CREG2: variants seen among roughly 807,000 people sequenced by gnomAD.
The protein encoded by CREG2 is protein CREG2.
In CREG2, 24 loss-of-function variants were observed where a neutral mutation model predicts 26.2. That is an observed-to-expected ratio of 0.92 (90% CI 0.66 to 1.29). The LOEUF is 1.29. CREG2 is among the 50% of genes most tolerant of loss of function. CREG2 has a pLI of 0.00. For missense variants in CREG2, 366 were observed against 398.6 expected (o/e 0.92, Z 0.70); for synonymous variants, 174 against 169.2 (o/e 1.03, Z -0.22).
At chr2:101,361,121 T>C (rs1684532272) in intron 2 of CREG2, among the ~76,000 whole-genome samples, 1 of 152,228 alleles carries the variant, frequency 6.6e-6, no homozygotes, top group African/African-American at 2.4e-5. Context: ...TACATTTACA[T>C]AGGGAGCATT....
At position 101,364,997 on chromosome 2, in the gene CREG2, C is replaced by G. The variant is rs180733262; in HGVS notation, c.612-9631G>C. Among the ~76,000 whole-genome samples the G allele has an allele frequency of 2.0e-4, 30 of 152,186 alleles. No individual in the cohort carries two copies. In the East Asian group the frequency reaches 3.7e-3, roughly 19 times the overall value. ...TTGCACAAGCAAGAAGCGTAGGAGGCGTGGAATGGAAATTCTGGATGTGGT... is the reference window on the plus strand; with the variant it reads ...TTGCACAAGCAAGAAGCGTAGGAGGGGTGGAATGGAAATTCTGGATGTGGT... On this transcript the variant is annotated intron_variant, in intron 2 of 3. Transcript: ENST00000324768.
At chr2:101,361,196 A>G (rs1234896975) in intron 2 of CREG2, among the ~76,000 whole-genome samples, 1 of 152,228 alleles carries the variant, frequency 6.6e-6, no homozygotes, top group Non-Finnish European at 1.5e-5. Context: ...TAAAAGGCAA[A>G]TAGAAAACTT....
intron 2 of CREG2, among the ~76,000 whole-genome samples, chr2:101,370,166 G>A (rs1317453530): frequency 6.6e-6 from 1 of 152,176 alleles, no homozygotes; most frequent in Non-Finnish European, 1.5e-5. Context: ...GTGCTAACAA[G>A]TGTACCTCTG....
At chr2:101,368,392 T>C (rs549039764) in intron 2 of CREG2, among the ~76,000 whole-genome samples, 1 of 151,224 alleles carries the variant, frequency 6.6e-6, no homozygotes, top group Admixed American at 6.6e-5. Flanking sequence ...CAATGGGAAA[T>C]GAAAACGCTC....
At position 101,350,896 on chromosome 2, in the gene CREG2, A is replaced by T. The variant is rs182407554; in HGVS notation, c.*27T>A. The T allele has an allele frequency of 6.2e-7, 1 of 1,612,042 alleles. No homozygotes were observed. Among genetic ancestry groups the T allele is most frequent in the Non-Finnish European group, 8.5e-7 (1 of 1,179,072 alleles). On this transcript the variant is annotated 3_prime_UTR_variant, in exon 4 of 4. Coordinates refer to ENST00000324768, the MANE Select transcript of CREG2 (RefSeq NM_153836.4). ...CTGAAAAGGTTTTCATTTAAGTGCA[A>T]ACACCAAGGACTTTCTTCTCACTCC...
chr2:101,368,330 A>G (rs1234218166), intron 2 of CREG2, among the ~76,000 whole-genome samples: 1 of 151,806 alleles, frequency 6.6e-6, no homozygotes, highest in Non-Finnish European at 1.5e-5. Context: ...AAAAAAAAGA[A>G]TACGTCTGTG....
Position 101,387,065 on chromosome 2 carries a change from G to C in CREG2, c.393C>G (p.Ala131=), listed in dbSNP as rs1272628739. 8.1e-7 allele frequency: 1 copy of C among 1,234,150 alleles called. No homozygotes were observed. The highest frequency in any genetic ancestry group is 4.1e-5 in the South Asian group (1 of 24,680). 76.4% of individuals were successfully genotyped at this position (1,234,150 alleles called of 1,614,324 possible). The change falls in exon 1 of 4, where the codon GCC becomes GCG. Residue 131 remains alanine, a synonymous_variant. Transcript: ENST00000324768. The surrounding 1 kb of genome is among the most constrained non-coding windows in gnomAD (Gnocchi z 4.7). Reference sequence around the variant, plus strand: ...CCAGGCAGCCCCAGACGCTGGCATGGGCCAGGGAGCGGGCGGTGGCGGCGC... The same window carrying C: ...CCAGGCAGCCCCAGACGCTGGCATGCGCCAGGGAGCGGGCGGTGGCGGCGC... The part of the protein sequence containing the change: ...RLRAATARSL[A]HASVWGCLAT...
rs759112720 is a variant in CREG2, at chr2:101,383,609, C to A, written c.535G>T (p.Asp179Tyr). The A allele has an allele frequency of 6.2e-7, 1 of 1,614,162 alleles. No individual in the cohort carries two copies. Reference protein sequence around the residue: ...GIPFFYMTAKDPVVADLMKNP... With the variant: ...GIPFFYMTAKYPVVADLMKNP... ...TTCATCAGATCAGCCACCACGGGGTCCTTGGCTGTCATGTAGAAGAAAGGA... is the reference window on the plus strand; with the variant it reads ...TTCATCAGATCAGCCACCACGGGGTACTTGGCTGTCATGTAGAAGAAAGGA... Residue 179 changes from aspartate (D) to tyrosine (Y), a missense_variant, in exon 2 of 4, where the codon GAC (aspartate) becomes TAC (tyrosine). Around this residue, in one of 3 missense-constraint regions of CREG2, gnomAD observed 174 missense variants for 178.2 expected, o/e 0.98. Transcript: ENST00000324768.
chr2:101,365,332 T>C (rs4280474), intron 2 of CREG2, among the ~76,000 whole-genome samples: 126,505 of 152,110 alleles, frequency 0.83, 53,133 homozygotes, highest in East Asian at 1. Flanking sequence ...TCCTGTTAAA[T>C]TATGGGATCC....
Position 101,348,961 on chromosome 2 carries a change from G to A in CREG2, c.*1962C>T, listed in dbSNP as rs1440054613. 6.6e-6 allele frequency: 1 copy of A among 152,560 alleles called. No individual in the cohort carries two copies. The highest frequency in any genetic ancestry group is 1.9e-4 in the East Asian group (1 of 5,200). 9.5% of individuals were successfully genotyped at this position (152,560 alleles called of 1,614,324 possible). A position where few individuals can be genotyped will look rare whatever the true frequency, so the allele number is the denominator to read the frequency against. On this transcript the variant is annotated 3_prime_UTR_variant, in exon 4 of 4. Coordinates refer to ENST00000324768, the MANE Select transcript of CREG2 (RefSeq NM_153836.4). ...TTTCAGGTTTCATTTCCTGTAATTTGGATAAATAGCTGATAACATTCATCA... is the reference window on the plus strand; with the variant it reads ...TTTCAGGTTTCATTTCCTGTAATTTAGATAAATAGCTGATAACATTCATCA...
intron 2 of CREG2, among the ~76,000 whole-genome samples, chr2:101,379,502 T>A (rs2104484438): frequency 6.6e-6 from 1 of 152,316 alleles, no homozygotes; most frequent in East Asian, 1.9e-4. Context: ...TTCACCTATT[T>A]CAACTTGGAT....
At position 101,370,443 on chromosome 2, in the gene CREG2, T is replaced by C. The variant is rs72988792; in HGVS notation, c.611+13090A>G. On this transcript the variant is annotated intron_variant, in intron 2 of 3. Transcript: ENST00000324768. Reference sequence around the variant, plus strand: ...TCCCCACAGTGGACCTAGGGTACTATTATTCCCATTTTAGGGTGAAGGAGA... The same window carrying C: ...TCCCCACAGTGGACCTAGGGTACTACTATTCCCATTTTAGGGTGAAGGAGA... Among the ~76,000 whole-genome samples, 573 of 152,280 alleles carry C rather than the reference T, an allele frequency of 3.8e-3. 4 individuals carry two copies. Among genetic ancestry groups the C allele is most frequent in the African/African-American group, 0.012 (495 of 41,564 alleles).
At chr2:101,364,301 G>A (rs1313641733) in intron 2 of CREG2, among the ~76,000 whole-genome samples, 1 of 152,186 alleles carries the variant, frequency 6.6e-6, no homozygotes, top group African/African-American at 2.4e-5. Flanking sequence ...GTGGAGGGCT[G>A]TCCTTCGCAT....
At chr2:101,354,637 C>T (rs757599241) in intron 3 of CREG2, among the ~76,000 whole-genome samples, 4 of 152,146 alleles carry the variant, frequency 2.6e-5, no homozygotes, top group African/African-American at 9.7e-5. Flanking sequence ...AGGCCACCCC[C>T]GCGTGCATGC....
At chr2:101,381,167 C>T (rs1684866940) in intron 2 of CREG2, among the ~76,000 whole-genome samples, 1 of 152,212 alleles carries the variant, frequency 6.6e-6, no homozygotes, top group Non-Finnish European at 1.5e-5. Flanking sequence ...GAGACCTCTT[C>T]AGGCCCGGCG....
At position 101,357,701 on chromosome 2, in the gene CREG2, A is replaced by G. The variant is rs150628507; in HGVS notation, c.612-2335T>C. 2.4e-3 allele frequency among the ~76,000 whole-genome samples: 372 copies of G among 152,074 alleles called. 2 individuals are homozygous for G. The highest frequency in any genetic ancestry group is 8.7e-3 in the African/African-American group (359 of 41,492). On this transcript the variant is annotated intron_variant, in intron 2 of 3. Transcript: ENST00000324768. The stretch of plus-strand genomic sequence containing the variant: ...CTCATTTTGTTTGATCTTCATGACA[A>G]CCCTAGGAGGTTTTATTATTAACCC...
intron 2 of CREG2, chr2:101,376,020 G>T: frequency 4.7e-6 from 1 of 212,344 alleles, no homozygotes; most frequent in East Asian, 1.1e-4. Context: ...TCACGACATG[G>T]GCATCTGCAA....
At chr2:101,355,847 C>T (rs1328150073) in intron 2 of CREG2, among the ~76,000 whole-genome samples, 1 of 151,988 alleles carries the variant, frequency 6.6e-6, no homozygotes, top group African/African-American at 2.4e-5. Context: ...CTCTGGAGTC[C>T]CAGAGGGCAT....
intron 2 of CREG2, among the ~76,000 whole-genome samples, chr2:101,380,458 C>T (rs894646723): frequency 1.3e-5 from 2 of 152,222 alleles, no homozygotes; most frequent in African/African-American, 2.4e-5. Context: ...CGAAGGCACC[C>T]CTTTTCCTTC....
Sources: allele counts gnomAD v4.1 joint callset (sites outside exome capture counted in the v4.1 genomes callset), GRCh38; gene constraint gnomAD v4.1.1; regional missense constraint gnomAD v4.1.1; non-coding constraint Gnocchi (gnomAD v3.1); transcripts MANE v1.5; gene names NCBI Gene and HGNC (gene_info 2026-07-23, HGNC 2026-07-21).